Variants in ARHGEF1 observed in about 807,000 individuals in gnomAD.
ARHGEF1 encodes the protein 115 kDa guanine nucleotide exchange factor.
ARHGEF1 carries 40 observed loss-of-function variants against 119.7 expected under a neutral mutation model. That is an observed-to-expected ratio of 0.33 (90% CI 0.26 to 0.44). The LOEUF is 0.44. Among genes scored for constraint, ARHGEF1 ranks in the 20% least tolerant of loss-of-function variants. ARHGEF1 has a pLI of 1.00. For missense variants in ARHGEF1, 976 were observed against 1,268.3 expected, an observed-to-expected ratio of 0.77 and a Z score of 3.50; for synonymous variants, 494 against 521.0, an observed-to-expected ratio of 0.95 and a Z score of 0.71.
In ARHGEF1 at chr19:41,894,303, A is replaced by G. The variant is rs1403161058; in HGVS notation, c.741A>G (p.Lys247=). Residue 247 remains lysine, a synonymous_variant, in exon 9 of 29, where the codon AAA becomes AAG. Transcript: ENST00000354532. ...DKKSGRNFFR[K]KVMGNRRSDE... ...AGTCGGGGAGGAACTTCTTCCGGAA[A>G]AAGGTGCTTCCCTCAGTGCCCCGTC... 1 of 1,553,492 alleles carries G rather than the reference A, an allele frequency of 6.4e-7. No homozygotes were observed. The highest frequency in any genetic ancestry group is 1.4e-5 in the African/African-American group (1 of 73,248).
chr19:41,903,760 C>T lies in ARHGEF1; in HGVS notation c.1893C>T (p.Ser631=), dbSNP rs1463425103. The T allele has an allele frequency of 8.7e-6, 14 of 1,612,996 alleles. No individual in the cohort carries two copies. The East Asian group carries it at 1.1e-4, about 13-fold the overall frequency. The change falls in exon 20 of 29, where the codon AGC becomes AGT. Residue 631 remains serine (S), a synonymous_variant. Transcript: ENST00000354532. This position sits in a 1 kb window ranked among gnomAD's most constrained non-coding sequence, Gnocchi z 4.2. The stretch of plus-strand genomic sequence containing the variant: ...ACTTGTCCCACCTTCGGCAGAGCAG[C>T]GACCCTATGCTGAGCGAGTTCAAGG... The part of the protein sequence containing the change: ...RLDLSHLRQS[S]DPMLSEFKNL...
chr19:41,894,260 C>A lies in ARHGEF1; in HGVS notation c.698C>A (p.Thr233Asn). The change falls in exon 9 of 29, where the codon ACC becomes AAC. Residue 233 changes from threonine (T) to asparagine (N), a missense_variant. Around this residue, in one of 3 missense-constraint regions of ARHGEF1, gnomAD observed 519 missense variants for 580.9 expected, o/e 0.89. Transcript: ENST00000354532. ...GLYMRHLGVRTKSGDKKSGRN... is the reference protein window; with the variant it reads ...GLYMRHLGVRNKSGDKKSGRN... Reference sequence around the variant, plus strand: ...TACATGCGCCACCTTGGGGTGCGGACCAAGAGTGGAGACAAGAAGTCGGGG... The same window carrying A: ...TACATGCGCCACCTTGGGGTGCGGAACAAGAGTGGAGACAAGAAGTCGGGG... 6.4e-7 allele frequency: 1 copy of A among 1,572,738 alleles called. No homozygotes were observed.
At chr19:41,915,949 C>T (rs2074798686) in intron 18 of ARHGEF1, among the ~76,000 whole-genome samples, 1 of 152,066 alleles carries the variant, frequency 6.6e-6, no homozygotes, top group Non-Finnish European at 1.5e-5. Flanking sequence ...TCCCCCCCGC[C>T]GGCCGGCGTG....
In ARHGEF1 at chr19:41,904,179, G is replaced by A. The variant is rs567846531; in HGVS notation, c.1994-37G>A. 3.3e-5 allele frequency: 53 copies of A among 1,612,512 alleles called. No homozygotes were observed. Among genetic ancestry groups the A allele is most frequent in the South Asian group, 2.9e-4 (26 of 91,028 alleles). ...GAGCCAAGGGCGGGGAGGGGGTCGCGCGGGGGCACGCCGTGTGAGCACTGC... is the reference window on the plus strand; with the variant it reads ...GAGCCAAGGGCGGGGAGGGGGTCGCACGGGGGCACGCCGTGTGAGCACTGC... On this transcript the variant is annotated intron_variant, in intron 21 of 28. Transcript: ENST00000354532. This position sits in a 1 kb window ranked among gnomAD's most constrained non-coding sequence, Gnocchi z 8.4.
chr19:41,894,343 T>G, intron 9 of ARHGEF1, 37 bp downstream of exon 9: 1 of 1,518,520 alleles, frequency 6.6e-7, no homozygotes, highest in Non-Finnish European at 8.8e-7. Flanking sequence ...CCCTTTCCTC[T>G]CCAGAGACGC....
chr19:41,909,548 C>T, downstream of ARHGEF1: 1 of 1,055,626 alleles, frequency 9.5e-7, no homozygotes, highest in South Asian at 3.8e-5. This position sits in a 1 kb window ranked among gnomAD's most constrained non-coding sequence, Gnocchi z 5.2. Context: ...AATGCGTGTG[C>T]TGTCCCAGGC....
rs372096272 is a variant in ARHGEF1, at chr19:41,905,426, CATAT to C, written c.2336+169_2336+172del. 1.1e-3 allele frequency: 711 copies of C among 661,452 alleles called. 2 individuals are homozygous for C. Among genetic ancestry groups the C allele is most frequent in the African/African-American group, 9.8e-3 (537 of 54,924 alleles). 41.0% of individuals were successfully genotyped at this position (661,452 alleles called of 1,614,324 possible). A position where few individuals can be genotyped will look rare whatever the true frequency, so the allele number is the denominator to read the frequency against. Reference sequence around the variant, plus strand: ...GTACGCAAGTATGTGACTGTGCGTGCATATATAGTGTGTGTATGCATGCATGTGT... The same window carrying C: ...GTACGCAAGTATGTGACTGTGCGTGCATAGTGTGTGTATGCATGCATGTGT... On this transcript the variant is annotated intron_variant, in intron 24 of 28. Coordinates refer to ENST00000354532, the MANE Select transcript of ARHGEF1 (RefSeq NM_004706.4). This position sits in a 1 kb window ranked among gnomAD's most constrained non-coding sequence, Gnocchi z 6.4.
chr19:41,894,757 T>A, intron 11 of ARHGEF1, 96 bp downstream of exon 11: 1 of 1,299,802 alleles, frequency 7.7e-7, no homozygotes, highest in South Asian at 1.5e-5. Context: ...GGCTGGGACC[T>A]GGACGCCTGG....
At chr19:41,923,207 A>G in exon 1 of ARHGEF1, 1 of 456,368 alleles carries the variant, frequency 2.2e-6, no homozygotes, top group Middle Eastern at 3.3e-4. Context: ...TCCCACAGGG[A>G]TGAGGTGAGC....
chr19:41,924,708 G>T (rs1197307567), intron 1 of ARHGEF1, among the ~76,000 whole-genome samples: 1 of 152,146 alleles, frequency 6.6e-6, no homozygotes, highest in Non-Finnish European at 1.5e-5. Flanking sequence ...GGGAGCAGGT[G>T]TGGGGGTGGC....
chr19:41,913,322 C>G (rs1555851438), intron 18 of ARHGEF1, among the ~76,000 whole-genome samples: 3 of 151,520 alleles, frequency 2.0e-5, no homozygotes, highest in Non-Finnish European at 4.4e-5. Flanking sequence ...CTCCCGTCCC[C>G]GCTCTCCCGC....
chr19:41,926,448 G>A (rs954543233), intron 1 of ARHGEF1, among the ~76,000 whole-genome samples: 3 of 152,138 alleles, frequency 2.0e-5, no homozygotes, highest in East Asian at 3.9e-4. Flanking sequence ...ATAGACAGGT[G>A]TGAAAGGTTA....
chr19:41,902,299 G>C lies in ARHGEF1; in HGVS notation c.1440G>C (p.Lys480Asn). The C allele has an allele frequency of 1.9e-6, 3 of 1,614,198 alleles. No individual in the cohort carries two copies. The highest frequency in any genetic ancestry group is 2.5e-6 in the Non-Finnish European group (3 of 1,180,046). The change falls in exon 16 of 29, where the codon AAG becomes AAC. Residue 480 changes from lysine to asparagine, a missense_variant. Transcript: ENST00000354532. The surrounding 1 kb of genome is among the most constrained non-coding windows in gnomAD (Gnocchi z 6.5). Reference protein sequence around the residue: ...VHSLFLDRLMKRRQESGYLIE... With the variant: ...VHSLFLDRLMNRRQESGYLIE... ...CCCTGTTCCTCGATCGCCTGATGAA[G>C]CGGAGGCAGGAGAGTGGCTACCTCA...
downstream of ARHGEF1, chr19:41,909,355 G>A (rs2074739744): frequency 1.6e-6 from 2 of 1,235,812 alleles, no homozygotes. This position sits in a 1 kb window ranked among gnomAD's most constrained non-coding sequence, Gnocchi z 5.2. Flanking sequence ...GGAGCCAGTG[G>A]CAGCTGCCGC....
Position 41,903,011 on chromosome 19 carries a change from C to G in ARHGEF1, c.1738+113C>G, listed in dbSNP as rs1241025185. ...ACAGCTCACTGCAGCCTCAACCTCC[C>G]AGGATCTACCATCCTCCCACCTCAG... On this transcript the variant is annotated intron_variant, in intron 18 of 28. Transcript: ENST00000354532. The surrounding 1 kb of genome is among the most constrained non-coding windows in gnomAD (Gnocchi z 4.2). The G allele has an allele frequency of 2.3e-6, 2 of 877,270 alleles. No homozygotes were observed. The highest frequency in any genetic ancestry group is 3.4e-6 in the Non-Finnish European group (2 of 586,494). 54.3% of individuals were successfully genotyped at this position (877,270 alleles called of 1,614,324 possible). A position where few individuals can be genotyped will look rare whatever the true frequency, so the allele number is the denominator to read the frequency against.
At chr19:41,897,835 T>C in intron 13 of ARHGEF1, 2 of 1,154,858 alleles carry the variant, frequency 1.7e-6, no homozygotes, top group Admixed American at 3.7e-5. Context: ...CCCTGGTCTC[T>C]CCCCGTCTCT....
chr19:41,912,768 T>C, intron 18 of ARHGEF1: 1 of 405,376 alleles, frequency 2.5e-6, no homozygotes, highest in Non-Finnish European at 3.8e-6. Context: ...GTGAGACACG[T>C]GGAGACACGG....
intron 18 of ARHGEF1, among the ~76,000 whole-genome samples, chr19:41,914,965 TCTCC>T (rs1305360412): frequency 1.1e-4 from 9 of 82,980 alleles, no homozygotes; most frequent in South Asian, 4.5e-4. Flanking sequence ...TATCTCTGTC[TCTCC>T]CTCCCTCCCC....
At chr19:41,910,432 C>T (rs898201240), downstream of ARHGEF1, among the ~76,000 whole-genome samples, 3 of 152,088 alleles carry the variant, frequency 2.0e-5, no homozygotes, top group Admixed American at 1.3e-4. This position sits in a 1 kb window ranked among gnomAD's most constrained non-coding sequence, Gnocchi z 4.4. Flanking sequence ...GAGGGGCACC[C>T]GCCTCCAACA....
Sources: gnomAD v4.1 joint callset for allele counts (sites outside exome capture counted in the v4.1 genomes callset) on GRCh38, gnomAD v4.1.1 for gene constraint, gnomAD v4.1.1 regional missense constraint, Gnocchi (gnomAD v3.1) non-coding constraint, MANE v1.5 for transcripts, NCBI Gene and HGNC (gene_info 2026-07-23, HGNC 2026-07-21) for gene names.